Variants in RER1 observed in about 807,000 individuals in gnomAD.
RER1 encodes protein RER1.
Under a neutral mutation model 28.3 loss-of-function variants are expected in RER1, and 6 were observed. The ratio of observed to expected loss-of-function variants is 0.21; its 90% CI spans 0.12 to 0.42. The LOEUF is 0.42. RER1 is among the 10% of genes least tolerant of loss of function. The probability of loss-of-function intolerance (pLI) is 1.00; values close to 1 mark genes in which losing one functional copy is unlikely to be tolerated. For missense variants in RER1, 159 were observed against 252.9 expected (o/e 0.63, Z 2.52); for synonymous variants, 110 against 95.9 (o/e 1.15, Z -0.86).
chr1:2,400,861 C>T lies in RER1; in HGVS notation c.291C>T (p.Asp97=), dbSNP rs375264274. The change falls in exon 5 of 7, where the codon GAC becomes GAT. Residue 97 remains aspartate, a synonymous_variant. Coordinates refer to ENST00000605895, the MANE Select transcript of RER1 (RefSeq NM_007033.5). ...VDPSLMEDSD[D]GPSLPTKQNE... ...GATGGTTGCTCTGCCTTACAGATGA[C>T]GGTCCTTCGCTACCCACCAAACAGA... 18 of 1,613,510 alleles carry T rather than the reference C, an allele frequency of 1.1e-5. No individual in the cohort carries two copies. The highest frequency in any genetic ancestry group is 2.2e-5 in the South Asian group (2 of 91,072).
rs1642955979 is a variant in RER1 at position 2,405,143 on chromosome 1, TG to T, written c.*2020del. 1 of 172,198 alleles carries T rather than the reference TG, an allele frequency of 5.8e-6. No individual in the cohort carries two copies. The highest frequency in any genetic ancestry group is 2.4e-5 in the African/African-American group (1 of 41,678). 10.7% of individuals were successfully genotyped at this position (172,198 alleles called of 1,614,324 possible). The stretch of plus-strand genomic sequence containing the variant: ...AACTGGAAGCGACCTTGACGTGTAT[TG>T]AAGGTGTGTGTGCCAAATGCTTCCG... On this transcript the variant is annotated 3_prime_UTR_variant, in exon 7 of 7. Coordinates refer to ENST00000605895, the MANE Select transcript of RER1 (RefSeq NM_007033.5).
chr1:2,394,702 T>G (rs1310850130), intron 1 of RER1: 1 of 152,214 alleles, frequency 6.6e-6, no homozygotes, highest in Non-Finnish European at 1.5e-5. Context: ...GAGGGTTTGC[T>G]GAAGGCCTCA....
chr1:2,400,353 A>G (rs1241964063), intron 4 of RER1, among the ~76,000 whole-genome samples: 6 of 152,194 alleles, frequency 3.9e-5, no homozygotes, highest in Admixed American at 3.9e-4. Context: ...AGACTAGAAA[A>G]TAACAAAGAG....
At position 2,403,198 on chromosome 1, in the gene RER1, C is replaced by A; in HGVS notation, c.*74C>A. 8.6e-7 allele frequency: 1 copy of A among 1,156,306 alleles called. No individual in the cohort carries two copies. The highest frequency in any genetic ancestry group is 1.3e-6 in the Non-Finnish European group (1 of 768,330). The allele number at this position is 1,156,306 out of a possible 1,614,324, so 71.6% of individuals were successfully genotyped here. The stretch of plus-strand genomic sequence containing the variant: ...TTGTTAACAATGCCTTTTTTCTTCA[C>A]ATAAAGTAGTTGATTACGAGGGAGT... On this transcript the variant is annotated 3_prime_UTR_variant, in exon 7 of 7. Coordinates refer to ENST00000605895, the MANE Select transcript of RER1 (RefSeq NM_007033.5).
chr1:2,401,202 GTCCTCCCTCC>G lies in RER1; in HGVS notation c.365+286_365+295del, dbSNP rs559128969. Among the ~76,000 whole-genome samples, 21 of 117,468 alleles carry G rather than the reference GTCCTCCCTCC, an allele frequency of 1.8e-4. No homozygotes were observed. In the East Asian group the frequency reaches 3.7e-3, roughly 21 times the overall value. 77.1% of individuals were successfully genotyped at this position (117,468 alleles called of 152,430 possible). A position where few individuals can be genotyped will look rare whatever the true frequency, so the allele number is the denominator to read the frequency against. On this transcript the variant is annotated intron_variant, in intron 5 of 6. Transcript: ENST00000605895. ...GTGGCCTGGGGAGGGCAGGCCCTCT[GTCCTCCCTCC>G]TCCTCCCTCCTCCTCCCTTCCTCCC...
At chr1:2,397,349 C>T (rs1226425044) in intron 3 of RER1, 129 bp downstream of exon 3, 10 of 679,020 alleles carry the variant, frequency 1.5e-5, no homozygotes, top group Non-Finnish European at 2.5e-5. Context: ...CAGCTAAACG[C>T]CAAATGTCAG....
chr1:2,399,650 G>A, intron 4 of RER1, 136 bp downstream of exon 4: 1 of 642,826 alleles, frequency 1.6e-6, no homozygotes, highest in East Asian at 2.7e-5. Flanking sequence ...TGGGTGATCA[G>A]GATATGTTTG....
intron 6 of RER1, among the ~76,000 whole-genome samples, chr1:2,402,648 G>A (rs1017081499): frequency 1.3e-5 from 2 of 152,226 alleles, no homozygotes; most frequent in African/African-American, 4.8e-5. Flanking sequence ...AGTGCCCCGC[G>A]CCAGCCTGCC....
chr1:2,393,769 A>G (rs1176483882), intron 1 of RER1, among the ~76,000 whole-genome samples: 1 of 152,274 alleles, frequency 6.6e-6, no homozygotes, highest in Non-Finnish European at 1.5e-5. Flanking sequence ...GCCTCAGGCT[A>G]TTCCTGGCAA....
At chr1:2,401,412 T>TCCTCCTTCCTCCC (rs1557904096) in intron 5 of RER1, among the ~76,000 whole-genome samples, 4 of 31,458 alleles carry the variant, frequency 1.3e-4, no homozygotes, top group Non-Finnish European at 2.1e-4. Context: ...TCCTCCCTCC[T>TCCTCCTTCCTCCC]TCCTCCTTCC....
chr1:2,405,283 G>A lies in RER1; in HGVS notation c.*2159G>A, dbSNP rs548964694. 4 of 289,346 alleles carry A rather than the reference G, an allele frequency of 1.4e-5. No homozygotes were observed. The highest frequency in any genetic ancestry group is 4.4e-5 in the African/African-American group (2 of 45,184). 17.9% of individuals were successfully genotyped at this position (289,346 alleles called of 1,614,324 possible). ...GAGCAGCGCCGCCTCCCATGGGGCC[G>A]TGGGGCTGCTGTTCTCACTGCACTG... On this transcript the variant is annotated 3_prime_UTR_variant, in exon 7 of 7. Coordinates refer to ENST00000605895, the MANE Select transcript of RER1 (RefSeq NM_007033.5).
chr1:2,397,271 C>T lies in RER1; in HGVS notation c.186+51C>T, dbSNP rs772005002. The T allele has an allele frequency of 4.4e-5, 55 of 1,245,376 alleles. No homozygotes were observed. In the Admixed American group the frequency reaches 4.7e-4, roughly 11 times the overall value. The allele number at this position is 1,245,376 out of a possible 1,614,324, so 77.1% of individuals were successfully genotyped here. On this transcript the variant is annotated intron_variant, in intron 3 of 6. Transcript: ENST00000605895. ...CTTGGCTCTGTCCACGTTACCTGGGCGTGATGTTTGTGGGGATGTTGTTGA... is the reference window on the plus strand; with the variant it reads ...CTTGGCTCTGTCCACGTTACCTGGGTGTGATGTTTGTGGGGATGTTGTTGA...
rs141357696 is a variant in RER1 at position 2,398,243 on chromosome 1, C to T, written c.186+1023C>T. ...GTTCAGCCGAGGATGGACACACAGACATCAGTTAGCCCTCACATCCGGCGT... is the reference window on the plus strand; with the variant it reads ...GTTCAGCCGAGGATGGACACACAGATATCAGTTAGCCCTCACATCCGGCGT... On this transcript the variant is annotated intron_variant, in intron 3 of 6. Transcript: ENST00000605895. Among the ~76,000 whole-genome samples, 925 of 152,206 alleles carry T rather than the reference C, an allele frequency of 6.1e-3. 8 individuals are homozygous for T. The highest frequency in any genetic ancestry group is 0.021 in the African/African-American group (853 of 41,530).
chr1:2,397,847 G>T (rs1005925984), intron 3 of RER1, among the ~76,000 whole-genome samples: 5 of 152,164 alleles, frequency 3.3e-5, no homozygotes, highest in African/African-American at 1.2e-4. Context: ...TGTAAGATGG[G>T]AATTCTTCGT....
At chr1:2,396,033 G>T in intron 2 of RER1, 162 bp downstream of exon 2, 1 of 639,592 alleles carries the variant, frequency 1.6e-6, no homozygotes, top group East Asian at 2.7e-5. Flanking sequence ...TGAAGGGCCA[G>T]CTGTGGAGAG....
Position 2,403,095 on chromosome 1 carries a change from G to A in RER1, c.562G>A (p.Glu188Lys). 6.2e-7 allele frequency: 1 copy of A among 1,614,210 alleles called. No homozygotes were observed. The highest frequency in any genetic ancestry group is 8.5e-7 in the Non-Finnish European group (1 of 1,180,042). ...TGGGAAGAGAAGGTACAGAGGCAAG[G>A]AGGATGCCGGCAAGGCCTTCGCCAG... is the stretch of plus-strand genomic sequence containing the variant. ...THGKRRYRGK[E>K]DAGKAFAS is the part of the protein sequence containing the mutation. The change falls in exon 7 of 7, where the codon GAG becomes AAG. Residue 188 changes from glutamate to lysine, a missense_variant. Coordinates refer to ENST00000605895, the MANE Select transcript of RER1 (RefSeq NM_007033.5).
chr1:2,398,238 AC>A (rs1325039409), intron 3 of RER1, among the ~76,000 whole-genome samples: 1 of 152,240 alleles, frequency 6.6e-6, no homozygotes, highest in Non-Finnish European at 1.5e-5. Context: ...GGATGGACAC[AC>A]AGACATCAGT....
rs1156440889 is a variant in RER1, at chr1:2,403,313, ATTTC to A, written c.*193_*196del. The A allele has an allele frequency of 1.1e-5, 6 of 552,822 alleles. No individual in the cohort carries two copies. The highest frequency in any genetic ancestry group is 9.4e-5 in the East Asian group (3 of 32,074). 34.2% of individuals were successfully genotyped at this position (552,822 alleles called of 1,614,324 possible). A position where few individuals can be genotyped will look rare whatever the true frequency, so the allele number is the denominator to read the frequency against. ...CTGGCGCTTAAACCAAATCGCATGG[ATTTC>A]TTTTTCAGTGACGTTCAAGTGTTTC... On this transcript the variant is annotated 3_prime_UTR_variant, in exon 7 of 7. Transcript: ENST00000605895.
chr1:2,395,177 T>A (rs1204181081), intron 1 of RER1: 1 of 153,520 alleles, frequency 6.5e-6, no homozygotes. Context: ...CCTCATGGCA[T>A]CACAGCAGTG....
Sources: gnomAD v4.1 joint callset for allele counts (sites outside exome capture counted in the v4.1 genomes callset) on GRCh38, gnomAD v4.1.1 for gene constraint, MANE v1.5 for transcripts, NCBI Gene and HGNC (gene_info 2026-07-23, HGNC 2026-07-21) for gene names.